Variants in ZNF383 observed in about 807,000 individuals in gnomAD.
The protein encoded by ZNF383 is zinc finger protein 383.
In ZNF383, 32 loss-of-function variants were observed where a neutral mutation model predicts 44.2. The observed-to-expected ratio is 0.72, with a 90% CI of 0.55 to 0.97. The LOEUF is 0.97. Among genes scored for constraint, ZNF383 ranks in the 50% least tolerant of loss-of-function variants. ZNF383 has a pLI of 0.00. For missense variants in ZNF383, 487 were observed against 562.5 expected, an observed-to-expected ratio of 0.87 and a Z score of 1.36; for synonymous variants, 155 against 186.2, an observed-to-expected ratio of 0.83 and a Z score of 1.36.
chr19:37,221,997 G>T (rs994305295), intron 1 of ZNF383, among the ~76,000 whole-genome samples: 12 of 149,074 alleles, frequency 8.0e-5, no homozygotes, highest in South Asian at 2.1e-4. Flanking sequence ...CCTTTGACCA[G>T]ATCTCAAATC....
intron 5 of ZNF383, among the ~76,000 whole-genome samples, chr19:37,241,967 AC>A (rs1430338324): frequency 7.0e-6 from 1 of 142,420 alleles, no homozygotes; most frequent in South Asian, 2.1e-4. Flanking sequence ...GTATATATAT[AC>A]TATATAGTAT....
At position 37,243,010 on chromosome 19, in the gene ZNF383, A is replaced by G; in HGVS notation, c.774A>G (p.Glu258=). 6.2e-7 allele frequency: 1 copy of G among 1,614,134 alleles called. No individual in the cohort carries two copies. Among genetic ancestry groups the G allele is most frequent in the Non-Finnish European group, 8.5e-7 (1 of 1,180,016 alleles). Reference sequence around the variant, plus strand: ...GTAAGAAACCCTATGAATGTAAGGAATGTGGGAAGGCCTTTAGTTATTGCT... The same window carrying G: ...GTAAGAAACCCTATGAATGTAAGGAGTGTGGGAAGGCCTTTAGTTATTGCT... The part of the protein sequence containing the change: ...HTGKKPYECK[E]CGKAFSYCSN... The change falls in exon 6 of 6, where the codon GAA becomes GAG. Residue 258 remains glutamate, a synonymous_variant. Coordinates refer to ENST00000684119, the MANE Select transcript of ZNF383 (RefSeq NM_001387601.1).
intron 2 of ZNF383, among the ~76,000 whole-genome samples, chr19:37,229,802 A>ATATAT (rs1468252245): frequency 1.3e-4 from 16 of 125,350 alleles, no homozygotes; most frequent in African/African-American, 5.1e-4. Context: ...ATATATATAT[A>ATATAT]TTTTTTTTTT....
At position 37,231,677 on chromosome 19, in the gene ZNF383, A is replaced by G. The variant is rs544717139; in HGVS notation, c.9+1215A>G. On this transcript the variant is annotated intron_variant, in intron 3 of 5. Transcript: ENST00000684119. ...AGTTGAGAACTTTTGCATCAGGCAC[A>G]AGCAAACTGATTATAGTTGTGTTAT... Among the ~76,000 whole-genome samples the G allele has an allele frequency of 6.6e-5, 10 of 152,336 alleles. No homozygotes were observed. In the South Asian group the frequency reaches 1.7e-3, roughly 25 times the overall value.
rs1390699714 is a variant in ZNF383 at position 37,243,616 on chromosome 19, T to C, written c.1380T>C (p.Ser460=). The part of the protein sequence containing the change: ...YNCKECGKAF[S]SGSDLIRHQG... ...GTAAGGAATGTGGGAAGGCTTTTAG[T>C]AGTGGCTCGGATCTCATTCGTCATC... is the stretch of plus-strand genomic sequence containing the variant. Residue 460 remains serine, a synonymous_variant, in exon 6 of 6, where the codon AGT becomes AGC. Coordinates refer to ENST00000684119, the MANE Select transcript of ZNF383 (RefSeq NM_001387601.1). 1 of 1,596,166 alleles carries C rather than the reference T, an allele frequency of 6.3e-7. No individual in the cohort carries two copies. The highest frequency in any genetic ancestry group is 1.7e-5 in the Admixed American group (1 of 57,726).
intron 5 of ZNF383, among the ~76,000 whole-genome samples, chr19:37,241,755 G>A (rs907612625): frequency 6.6e-6 from 1 of 151,942 alleles, no homozygotes; most frequent in Non-Finnish European, 1.5e-5. Context: ...GAAATTCCAA[G>A]TGTTTTTGAA....
At chr19:37,240,217 G>T (rs1178219908) in intron 5 of ZNF383, among the ~76,000 whole-genome samples, 1 of 151,682 alleles carries the variant, frequency 6.6e-6, no homozygotes, top group Non-Finnish European at 1.5e-5. Context: ...AGATTGTGTT[G>T]GAATGAATTC....
intron 5 of ZNF383, among the ~76,000 whole-genome samples, chr19:37,241,945 ATATC>A (rs1974103890): frequency 1.4e-5 from 2 of 145,716 alleles, no homozygotes; most frequent in Admixed American, 7.1e-5. Flanking sequence ...TATATCATAT[ATATC>A]TATATAAGTA....
chr19:37,245,092 G>A lies in ZNF383; in HGVS notation c.*1428G>A, dbSNP rs1034370308. The A allele has an allele frequency of 3.3e-5, 5 of 152,094 alleles. No individual in the cohort carries two copies. The highest frequency in any genetic ancestry group is 4.2e-4 in the South Asian group (2 of 4,804). 9.4% of individuals were successfully genotyped at this position (152,094 alleles called of 1,614,324 possible). A position where few individuals can be genotyped will look rare whatever the true frequency, so the allele number is the denominator to read the frequency against. Reference sequence around the variant, plus strand: ...CGGATCACAAGGTCTGAAGATTAAGGCCATCCTGGCTAACAGTGAAACCCC... The same window carrying A: ...CGGATCACAAGGTCTGAAGATTAAGACCATCCTGGCTAACAGTGAAACCCC... On this transcript the variant is annotated 3_prime_UTR_variant, in exon 6 of 6. Coordinates refer to ENST00000684119, the MANE Select transcript of ZNF383 (RefSeq NM_001387601.1).
intron 1 of ZNF383, chr19:37,219,149 T>G (rs1191905038): frequency 6.5e-6 from 1 of 152,752 alleles, no homozygotes; most frequent in Non-Finnish European, 1.5e-5. Context: ...CTTGTGACTG[T>G]CTTTGTGACT....
rs1179328481 is a variant in ZNF383 at position 37,242,984 on chromosome 19, G to A, written c.748G>A (p.Gly250Ser). ...YLSQHQRIHT[G>S]KKPYECKECG... ...TTCTCAACATCAGAGAATCCATACC[G>A]GTAAGAAACCCTATGAATGTAAGGA... is the stretch of plus-strand genomic sequence containing the variant. Residue 250 changes from glycine to serine, a missense_variant, in exon 6 of 6, where the codon GGT becomes AGT. Gly to Ser is a moderately conservative substitution (Grantham distance 56). Transcript: ENST00000684119. 6 of 1,613,880 alleles carry A rather than the reference G, an allele frequency of 3.7e-6. No homozygotes were observed. The highest frequency in any genetic ancestry group is 1.1e-5 in the South Asian group (1 of 91,082).
intron 1 of ZNF383, among the ~76,000 whole-genome samples, chr19:37,220,700 G>T (rs922763827): frequency 3.3e-5 from 5 of 151,958 alleles, no homozygotes. Context: ...AGAAAAGCCC[G>T]CTAGTCCTTT....
Position 37,231,093 on chromosome 19 carries a change from T to C in ZNF383, c.9+631T>C, listed in dbSNP as rs560921228. 2.6e-5 allele frequency among the ~76,000 whole-genome samples: 4 copies of C among 152,332 alleles called. No homozygotes were observed. The South Asian group carries it at 6.2e-4, about 24-fold the overall frequency. Reference sequence around the variant, plus strand: ...TTCTGTATCTCAGAATTAAGGATAGTGATAATGGATGTTTACAATGGTTCA... The same window carrying C: ...TTCTGTATCTCAGAATTAAGGATAGCGATAATGGATGTTTACAATGGTTCA... On this transcript the variant is annotated intron_variant, in intron 3 of 5. Coordinates refer to ENST00000684119, the MANE Select transcript of ZNF383 (RefSeq NM_001387601.1).
At chr19:37,220,566 TTTTTGTTG>T (rs1041637126) in intron 1 of ZNF383, among the ~76,000 whole-genome samples, 2 of 123,290 alleles carry the variant, frequency 1.6e-5, no homozygotes, top group Non-Finnish European at 3.2e-5. Flanking sequence ...TTTGTTTTTT[TTTTTGTTG>T]TTGTTTAATC....
At chr19:37,233,691 G>A (rs1973622478) in intron 3 of ZNF383, among the ~76,000 whole-genome samples, 1 of 151,722 alleles carries the variant, frequency 6.6e-6, no homozygotes, top group Non-Finnish European at 1.5e-5. Context: ...GCCTCCCAAA[G>A]TGCTGGGATT....
Position 37,243,638 on chromosome 19 carries a change from C to T in ZNF383, c.1402C>T (p.His468Tyr). ...AFSSGSDLIR[H>Y]QGIHTNK is the part of the protein sequence containing the mutation. ...TAGTAGTGGCTCGGATCTCATTCGT[C>T]ATCAGGGAATTCATACTAATAAATA... The change falls in exon 6 of 6, where the codon CAT (histidine) becomes TAT (tyrosine). Residue 468 changes from histidine to tyrosine, a missense_variant. Coordinates refer to ENST00000684119, the MANE Select transcript of ZNF383 (RefSeq NM_001387601.1). The T allele has an allele frequency of 6.4e-7, 1 of 1,560,578 alleles. No individual in the cohort carries two copies. The highest frequency in any genetic ancestry group is 8.7e-7 in the Non-Finnish European group (1 of 1,154,628).
In ZNF383 at chr19:37,225,934, C is replaced by T. The variant is rs35895160; in HGVS notation, c.-46+995C>T. Among the ~76,000 whole-genome samples the T allele has an allele frequency of 4.5e-3, 673 of 150,562 alleles. 2 individuals are homozygous for T. Among genetic ancestry groups the T allele is most frequent in the South Asian group, 0.027 (127 of 4,754 alleles). ...CCTCCCAAGTAGCTGGGACTACAGG[C>T]GCGCACCACCATGTCTAACTAACTT... On this transcript the variant is annotated intron_variant, in intron 2 of 5. Transcript: ENST00000684119.
rs934505698 is a variant in ZNF383 at position 37,243,889 on chromosome 19, A to G, written c.*225A>G. 3.5e-5 allele frequency: 14 copies of G among 404,474 alleles called. No homozygotes were observed. Among genetic ancestry groups the G allele is most frequent in the Admixed American group, 3.2e-4 (8 of 24,980 alleles). 25.1% of individuals were successfully genotyped at this position (404,474 alleles called of 1,614,324 possible). ...ATTCTTTCATTCATTGTTTTGTTCT[A>G]CTTTCTTGGTGACACATTATACTCA... On this transcript the variant is annotated 3_prime_UTR_variant, in exon 6 of 6. Transcript: ENST00000684119.
At chr19:37,237,972 C>T (rs547467877) in intron 5 of ZNF383, among the ~76,000 whole-genome samples, 1 of 152,068 alleles carries the variant, frequency 6.6e-6, no homozygotes, top group African/African-American at 2.4e-5. Flanking sequence ...AGGTGATCCT[C>T]CCACCTCAGC....
Sources: allele counts gnomAD v4.1 joint callset (sites outside exome capture counted in the v4.1 genomes callset), GRCh38; gene constraint gnomAD v4.1.1; transcripts MANE v1.5; gene names NCBI Gene and HGNC (gene_info 2026-07-23, HGNC 2026-07-21).